Variants in OTUD4 observed in about 807,000 individuals in gnomAD.
OTUD4 encodes the protein OTU deubiquitinase 4, also known as OTU domain-containing protein 4.
Under a neutral mutation model 130.4 loss-of-function variants are expected in OTUD4, and 24 were observed. That is an observed-to-expected ratio of 0.18 (90% CI 0.13 to 0.26). The LOEUF (loss-of-function observed/expected upper bound fraction) is 0.26, where lower values mean the gene tolerates loss of function less well. OTUD4 is among the 10% of genes least tolerant of loss of function. OTUD4 has a pLI of 1.00. For missense variants in OTUD4, 1,031 were observed against 1,329.4 expected (o/e 0.78, Z 3.49); for synonymous variants, 420 against 472.5 (o/e 0.89, Z 1.44).
At chr4:145,151,971 T>C (rs1031291094) in intron 11 of OTUD4, among the ~76,000 whole-genome samples, 1 of 152,224 alleles carries the variant, frequency 6.6e-6, no homozygotes, top group African/African-American at 2.4e-5. Context: ...GTTCCCATAT[T>C]ACGATCTAGT....
Position 145,180,001 on chromosome 4 carries a change from C to T in OTUD4, c.-28G>A, listed in dbSNP as rs1396063753. 4.8e-6 allele frequency: 7 copies of T among 1,460,492 alleles called. No individual in the cohort carries two copies. Among genetic ancestry groups the T allele is most frequent in the Non-Finnish European group, 6.3e-6 (7 of 1,117,004 alleles). 90.5% of individuals were successfully genotyped at this position (1,460,492 alleles called of 1,614,324 possible). ...TGCTGGTCCTGCTGCAGGCCAGGCG[C>T]GGCGAGGGCTAGCCCCACATGGCCA... On this transcript the variant is annotated 5_prime_UTR_variant, in exon 1 of 21. Coordinates refer to ENST00000447906, the MANE Select transcript of OTUD4 (RefSeq NM_001366057.1).
chr4:145,150,603 T>C lies in OTUD4; in HGVS notation c.1169A>G (p.His390Arg), dbSNP rs748896196. 4 of 1,613,038 alleles carry C rather than the reference T, an allele frequency of 2.5e-6. No homozygotes were observed. The highest frequency in any genetic ancestry group is 2.2e-5 in the South Asian group (2 of 91,058). ...CCCTGAAGAATGACTAGAGAACGCA[T>C]GTTGTCTTACTCCTGAAGGATGCTG... is the stretch of plus-strand genomic sequence containing the variant. The part of the protein sequence containing the change: ...RLQHPSGVRQ[H>R]AFSSHSSGSQ... The change falls in exon 13 of 21, where the codon CAT becomes CGT. Residue 390 changes from histidine to arginine, a missense_variant. Transcript: ENST00000447906.
At position 145,146,340 on chromosome 4, in the gene OTUD4, TTC is replaced by T. The variant is rs1750823344; in HGVS notation, c.1347_1348del (p.Lys450AlafsTer11). The T allele has an allele frequency of 6.3e-7, 1 of 1,598,448 alleles. No homozygotes were observed. The highest frequency in any genetic ancestry group is 8.5e-7 in the Non-Finnish European group (1 of 1,174,538). ...TAAACGGGATTCTTCTATAGCTTGC[TTC>T]TCTCTGCGCTCTTCTGGGGAAAGGC... is the stretch of plus-strand genomic sequence containing the variant. On this transcript the variant is annotated frameshift_variant, in exon 14 of 21. Transcript: ENST00000447906. LOFTEE classifies it high-confidence loss of function.
intron 3 of OTUD4, among the ~76,000 whole-genome samples, chr4:145,169,258 A>ATT (rs765311998): frequency 3.9e-5 from 6 of 152,234 alleles, no homozygotes; most frequent in Non-Finnish European, 8.8e-5. Context: ...CAAATTGTAT[A>ATT]TTTATAAGTG....
intron 6 of OTUD4, 89 bp downstream of exon 6, chr4:145,162,551 C>CAA (rs528133721): frequency 2.5e-5 from 16 of 638,364 alleles, no homozygotes; most frequent in East Asian, 6.6e-5. Context: ...GACTCCGTCT[C>CAA]AAAAAAAAAC....
At position 145,180,340 on chromosome 4, in the gene OTUD4, G is replaced by A. The variant is rs1362712170; in HGVS notation, c.-367C>T. ...CCCCACAAGTTTCCTCCTCCGTACCGGTGTGAAGCGAGAAAACCCCCGCCC... is the reference window on the plus strand; with the variant it reads ...CCCCACAAGTTTCCTCCTCCGTACCAGTGTGAAGCGAGAAAACCCCCGCCC... On this transcript the variant is annotated 5_prime_UTR_variant, in exon 1 of 21. Coordinates refer to ENST00000447906, the MANE Select transcript of OTUD4 (RefSeq NM_001366057.1). Among the ~76,000 whole-genome samples the A allele has an allele frequency of 2.6e-5, 4 of 152,122 alleles. No homozygotes were observed. Among genetic ancestry groups the A allele is most frequent in the Admixed American group, 2.0e-4 (3 of 15,288 alleles).
rs529375964 is a variant in OTUD4 at position 145,163,868 on chromosome 4, G to A, written c.414+286C>T. On this transcript the variant is annotated intron_variant, in intron 5 of 20. Transcript: ENST00000447906. ...ATTACAGGGATGTGCCACCACGCCC[G>A]GCTAATTTTGTATTTTTTCAGTAGA... Among the ~76,000 whole-genome samples, 177 of 152,024 alleles carry A rather than the reference G, an allele frequency of 1.2e-3. 1 individual carries two copies. The highest frequency in any genetic ancestry group is 3.7e-3 in the African/African-American group (153 of 41,500).
At chr4:145,168,698 A>C (rs1319986809) in intron 3 of OTUD4, among the ~76,000 whole-genome samples, 1 of 152,244 alleles carries the variant, frequency 6.6e-6, no homozygotes, top group Non-Finnish European at 1.5e-5. Context: ...AATTCTCATA[A>C]TATTGCTGAT....
rs1750656065 is a variant in OTUD4 at position 145,143,415 on chromosome 4, A to C, written c.1633T>G (p.Ser545Ala). The C allele has an allele frequency of 6.2e-7, 1 of 1,610,930 alleles. No individual in the cohort carries two copies. The highest frequency in any genetic ancestry group is 8.5e-7 in the Non-Finnish European group (1 of 1,177,434). ...AACTTCTTTGACTTTGATGGTGATGAAACTGTTGCATATTTATCATCAGTA... is the reference window on the plus strand; with the variant it reads ...AACTTCTTTGACTTTGATGGTGATGCAACTGTTGCATATTTATCATCAGTA... ...NITDDKYATV[S>A]SPSKSKKLEC... is the part of the protein sequence containing the mutation. Residue 545 changes from serine (S) to alanine (A), a missense_variant, in exon 17 of 21, where the codon TCA (serine) becomes GCA (alanine). Transcript: ENST00000447906.
At position 145,137,649 on chromosome 4, in the gene OTUD4, G is replaced by A; in HGVS notation, c.3126C>T (p.Phe1042=). ...NILRSGRSKQ[F]YNQTYGSRKY... ...TCCTGCTTCCATAAGTTTGATTATA[G>A]AACTGCTTGGATCTACCACTTCTCA... The change falls in exon 21 of 21, where the codon TTC becomes TTT. Residue 1042 remains phenylalanine (F), a synonymous_variant. Coordinates refer to ENST00000447906, the MANE Select transcript of OTUD4 (RefSeq NM_001366057.1). 7.4e-6 allele frequency: 12 copies of A among 1,613,542 alleles called. No individual in the cohort carries two copies. The highest frequency in any genetic ancestry group is 9.3e-6 in the Non-Finnish European group (11 of 1,179,750).
intron 11 of OTUD4, 34 bp downstream of exon 11, chr4:145,152,507 G>A: frequency 1.8e-6 from 2 of 1,103,940 alleles, no homozygotes; most frequent in African/African-American, 1.6e-5. Flanking sequence ...AATGGAGGAG[G>A]CAGTAAATGC....
chr4:145,171,482 G>A (rs1178375437), intron 3 of OTUD4, among the ~76,000 whole-genome samples, 188 bp downstream of exon 3: 1 of 152,138 alleles, frequency 6.6e-6, no homozygotes, highest in African/African-American at 2.4e-5. Context: ...CCTTAGTGAG[G>A]CAACCTCTAA....
At chr4:145,148,079 T>A (rs2126755693) in intron 13 of OTUD4, among the ~76,000 whole-genome samples, 1 of 152,350 alleles carries the variant, frequency 6.6e-6, no homozygotes, top group Middle Eastern at 3.4e-3. Context: ...TTCATGTCTA[T>A]GGTATTAATT....
At position 145,139,852 on chromosome 4, in the gene OTUD4, C is replaced by T; in HGVS notation, c.2124+99G>A. On this transcript the variant is annotated intron_variant, in intron 20 of 20. Transcript: ENST00000447906. Reference sequence around the variant, plus strand: ...TTTTAAAATGATGAGATTTAGTAAACTTTAGGTTACTGACTGACAGGGTAA... The same window carrying T: ...TTTTAAAATGATGAGATTTAGTAAATTTTAGGTTACTGACTGACAGGGTAA... 6.6e-6 allele frequency: 3 copies of T among 453,880 alleles called. No individual in the cohort carries two copies. The South Asian group carries it at 6.8e-5, about 10-fold the overall frequency. The allele number at this position is 453,880 out of a possible 1,614,324, so 28.1% of individuals were successfully genotyped here.
intron 14 of OTUD4, among the ~76,000 whole-genome samples, chr4:145,144,957 G>C (rs1227200276): frequency 6.6e-6 from 1 of 152,122 alleles, no homozygotes; most frequent in Admixed American, 6.5e-5. Flanking sequence ...TATCACTGAG[G>C]GTTCTAGGTT....
chr4:145,137,736 A>G lies in OTUD4; in HGVS notation c.3039T>C (p.Asp1013=), dbSNP rs1164119569. Residue 1013 remains aspartate (D), a synonymous_variant, in exon 21 of 21, where the codon GAT becomes GAC. Coordinates refer to ENST00000447906, the MANE Select transcript of OTUD4 (RefSeq NM_001366057.1). ...DVVSPGANSV[D]SRVQRPKEES... ...CTTCTTTTGGTCTTTGCACTCTGCT[A>G]TCAACAGAGTTGGCCCCAGGGCTGA... 2 of 1,613,594 alleles carry G rather than the reference A, an allele frequency of 1.2e-6. No homozygotes were observed. The highest frequency in any genetic ancestry group is 1.7e-5 in the Admixed American group (1 of 59,998).
chr4:145,137,414 A>G lies in OTUD4; in HGVS notation c.*16T>C. The G allele has an allele frequency of 6.4e-7, 1 of 1,574,702 alleles. No homozygotes were observed. The highest frequency in any genetic ancestry group is 8.6e-7 in the Non-Finnish European group (1 of 1,157,542). On this transcript the variant is annotated 3_prime_UTR_variant, in exon 21 of 21. Transcript: ENST00000447906. ...CACCTAAGAGTTTCTGTTAGAAAAT[A>G]CTTCGGCAACAACCATCAAGTGTGC...
chr4:145,148,461 T>C (rs62345103), intron 13 of OTUD4, among the ~76,000 whole-genome samples: 41,430 of 150,436 alleles, frequency 0.28, 7,109 homozygotes, highest in Non-Finnish European at 0.38. Context: ...ATCGCGCCAC[T>C]GCACTCCAGC....
At chr4:145,175,120 T>A (rs753036463) in intron 1 of OTUD4, among the ~76,000 whole-genome samples, 1 of 152,222 alleles carries the variant, frequency 6.6e-6, no homozygotes, top group Non-Finnish European at 1.5e-5. Flanking sequence ...CCTATACATA[T>A]TGAAAAAGAC....
Sources: allele counts gnomAD v4.1 joint callset (sites outside exome capture counted in the v4.1 genomes callset), GRCh38; gene constraint gnomAD v4.1.1; transcripts MANE v1.5; gene names NCBI Gene and HGNC (gene_info 2026-07-23, HGNC 2026-07-21).